Variants in LIMA1 observed in about 807,000 individuals in gnomAD.
The protein encoded by LIMA1 is LIM domain and actin binding 1.
In LIMA1, 52 loss-of-function variants were observed where a neutral mutation model predicts 62.6. The ratio of observed to expected loss-of-function variants is 0.83; its 90% CI spans 0.67 to 1.05. LIMA1 has a LOEUF of 1.05. LIMA1 is among the 50% of genes least tolerant of loss of function. The probability of loss-of-function intolerance (pLI) is 0.00; values close to 1 mark genes in which losing one functional copy is unlikely to be tolerated. For missense variants in LIMA1, 780 were observed against 902.2 expected, an observed-to-expected ratio of 0.86 and a Z score of 1.74; for synonymous variants, 302 against 317.8, an observed-to-expected ratio of 0.95 and a Z score of 0.53.
intron 6 of LIMA1, among the ~76,000 whole-genome samples, chr12:50,203,204 G>A (rs1472373838): frequency 2.0e-5 from 3 of 150,294 alleles, no homozygotes; most frequent in Admixed American, 6.7e-5. Flanking sequence ...TAGTAGAGAC[G>A]GGATTTCACC....
At chr12:50,181,858 C>G (rs1406710237) in intron 10 of LIMA1, 46 bp downstream of exon 10, 4 of 1,609,216 alleles carry the variant, frequency 2.5e-6, no homozygotes, top group African/African-American at 1.3e-5. Flanking sequence ...AAGACTCCCT[C>G]TAGAGTTCCA....
chr12:50,258,639 CTTTTTTTTTTTT>C (rs34324226), intron 1 of LIMA1, among the ~76,000 whole-genome samples: 5 of 67,384 alleles, frequency 7.4e-5, no homozygotes, highest in Non-Finnish European at 1.3e-4. Context: ...TCTACCTATA[CTTTTTTTTTTTT>C]TTTTTTTTTT....
chr12:50,248,253 A>C (rs548989625), intron 2 of LIMA1, among the ~76,000 whole-genome samples: 4 of 152,138 alleles, frequency 2.6e-5, no homozygotes, highest in South Asian at 2.1e-4. Flanking sequence ...TCGCCTCAAC[A>C]CTCATCTCAA....
intron 1 of LIMA1, among the ~76,000 whole-genome samples, chr12:50,254,884 A>G (rs150078812): frequency 0.014 from 2,112 of 151,926 alleles, 45 homozygotes; most frequent in African/African-American, 0.049. Flanking sequence ...ACATGGTAAA[A>G]CCCTGTCTCT....
intron 4 of LIMA1, among the ~76,000 whole-genome samples, chr12:50,211,539 C>T (rs79316295): frequency 0.027 from 4,033 of 151,308 alleles, 86 homozygotes; most frequent in Non-Finnish European, 0.037. Context: ...GTCCCAGCTA[C>T]TCCGGAGGCT....
intron 2 of LIMA1, among the ~76,000 whole-genome samples, chr12:50,247,748 T>C (rs1355150264): frequency 6.6e-6 from 1 of 151,944 alleles, no homozygotes; most frequent in African/African-American, 2.4e-5. Context: ...CTCAGCCTCC[T>C]GAGCAGCTGG....
chr12:50,273,366 G>A (rs1942238771), intron 1 of LIMA1, among the ~76,000 whole-genome samples: 1 of 152,150 alleles, frequency 6.6e-6, no homozygotes, highest in South Asian at 2.1e-4. Flanking sequence ...CATTTGCTGG[G>A]TAGTGGTCTT....
intron 2 of LIMA1, among the ~76,000 whole-genome samples, chr12:50,245,865 GGGAAACATTATT>G (rs1200114003): frequency 6.6e-6 from 1 of 152,068 alleles, no homozygotes; most frequent in African/African-American, 2.4e-5. Context: ...AACAATGAAT[GGGAAACATTATT>G]GGAGATATAG....
chr12:50,258,185 C>G (rs927052415), intron 1 of LIMA1, among the ~76,000 whole-genome samples: 70 of 152,166 alleles, frequency 4.6e-4, no homozygotes, highest in African/African-American at 1.5e-3. Flanking sequence ...AAGTTAGCAT[C>G]TGGGCACTAC....
chr12:50,240,628 G>C (rs1442143670), intron 2 of LIMA1, among the ~76,000 whole-genome samples: 1 of 152,180 alleles, frequency 6.6e-6, no homozygotes, highest in Admixed American at 6.5e-5. Context: ...TGTGAAAGAA[G>C]AGCAAATTTG....
chr12:50,255,070 C>T (rs2138656676), intron 1 of LIMA1, among the ~76,000 whole-genome samples: 2 of 150,870 alleles, frequency 1.3e-5, no homozygotes, highest in East Asian at 3.9e-4. Context: ...CCAAACCAAA[C>T]CAAAAAATAA....
chr12:50,240,611 G>C (rs186004117), intron 2 of LIMA1, among the ~76,000 whole-genome samples: 1 of 152,144 alleles, frequency 6.6e-6, no homozygotes, highest in Non-Finnish European at 1.5e-5. Flanking sequence ...TTCCTGGGAC[G>C]AGGAATTGTG....
chr12:50,185,243 T>C (rs1294179633), intron 9 of LIMA1: 3 of 390,994 alleles, frequency 7.7e-6, no homozygotes, highest in Non-Finnish European at 1.5e-5. Flanking sequence ...AGGAGATGGA[T>C]ACTGTTCTGC....
intron 3 of LIMA1, among the ~76,000 whole-genome samples, chr12:50,227,722 C>T (rs969983435): frequency 1.3e-5 from 2 of 152,132 alleles, no homozygotes; most frequent in South Asian, 2.1e-4. Context: ...TAGCTAATTC[C>T]TCTTGGTCCT....
At chr12:50,238,473 C>T (rs867307828) in intron 2 of LIMA1, among the ~76,000 whole-genome samples, 1 of 152,004 alleles carries the variant, frequency 6.6e-6, no homozygotes, top group Non-Finnish European at 1.5e-5. Flanking sequence ...CGCCACTGCA[C>T]TCCAGCCCTG....
At chr12:50,180,066 C>T (rs1033376977) in intron 10 of LIMA1, among the ~76,000 whole-genome samples, 9 of 151,776 alleles carry the variant, frequency 5.9e-5, no homozygotes, top group African/African-American at 1.7e-4. Context: ...TTTGGGAGGC[C>T]GAGGAGGGCA....
chr12:50,184,515 G>A lies in LIMA1; in HGVS notation c.1141-2478C>T, dbSNP rs185388643. Among the ~76,000 whole-genome samples the A allele has an allele frequency of 1.8e-4, 27 of 152,206 alleles. 1 individual carries two copies. Among genetic ancestry groups the A allele is most frequent in the African/African-American group, 4.8e-4 (20 of 41,546 alleles). On this transcript the variant is annotated intron_variant, in intron 9 of 10. Coordinates refer to ENST00000341247, the MANE Select transcript of LIMA1 (RefSeq NM_016357.5). Reference sequence around the variant, plus strand: ...ACATTAGCTGGGCGTGGTGGCGGGCGCCTGTAATTCCAGCTACCAGAGAGG... The same window carrying A: ...ACATTAGCTGGGCGTGGTGGCGGGCACCTGTAATTCCAGCTACCAGAGAGG...
intron 1 of LIMA1, among the ~76,000 whole-genome samples, chr12:50,258,190 C>T (rs1173016328): frequency 6.6e-6 from 1 of 152,156 alleles, no homozygotes; most frequent in Non-Finnish European, 1.5e-5. Flanking sequence ...AGCATCTGGG[C>T]ACTACTAGTT....
intron 3 of LIMA1, among the ~76,000 whole-genome samples, chr12:50,225,012 C>T (rs369543326): frequency 2.7e-5 from 4 of 150,132 alleles, no homozygotes; most frequent in African/African-American, 9.8e-5. Flanking sequence ...AAGCAATTCT[C>T]ATGCCTCAGC....
Sources: allele counts gnomAD v4.1 joint callset (sites outside exome capture counted in the v4.1 genomes callset), GRCh38; gene constraint gnomAD v4.1.1; transcripts MANE v1.5; gene names NCBI Gene and HGNC (gene_info 2026-07-23, HGNC 2026-07-21).